The following ZPBP variants were observed in gnomAD, a reference collection of about 807,000 sequenced individuals.
The protein encoded by ZPBP is zona pellucida-binding protein 1.
In ZPBP, 26 loss-of-function variants were observed where a neutral mutation model predicts 44.8. The ratio of observed to expected loss-of-function variants is 0.58; its 90% CI spans 0.43 to 0.81. The LOEUF (loss-of-function observed/expected upper bound fraction) is 0.81. Among genes scored for constraint, ZPBP ranks in the 30% least tolerant of loss-of-function variants. The pLI is 0.00. For missense variants in ZPBP, 409 were observed against 434.0 expected (o/e 0.94, Z 0.51); for synonymous variants, 174 against 153.2 (o/e 1.14, Z -1.00).
chr7:49,971,635 A>G (rs921502765), intron 7 of ZPBP, among the ~76,000 whole-genome samples: 7 of 152,146 alleles, frequency 4.6e-5, no homozygotes, highest in African/African-American at 1.7e-4. Context: ...CTTATAAAGA[A>G]GAGCCCAGCA....
chr7:49,976,647 T>C (rs970217681), intron 7 of ZPBP, among the ~76,000 whole-genome samples: 7 of 152,282 alleles, frequency 4.6e-5, no homozygotes, highest in African/African-American at 1.7e-4. Flanking sequence ...CAGAAAGAGC[T>C]TTTGTCTGCT....
intron 6 of ZPBP, among the ~76,000 whole-genome samples, chr7:50,000,437 T>C (rs569402652): frequency 1.6e-4 from 24 of 152,322 alleles, no homozygotes; most frequent in Non-Finnish European, 2.9e-4. Context: ...ACTTGATTTA[T>C]ATTCCTATTA....
chr7:50,025,958 A>T (rs1022286247), intron 5 of ZPBP, among the ~76,000 whole-genome samples: 2 of 151,914 alleles, frequency 1.3e-5, no homozygotes, highest in African/African-American at 4.8e-5. Context: ...AAAATGCAGG[A>T]TCTAACTATT....
intron 7 of ZPBP, among the ~76,000 whole-genome samples, chr7:49,973,617 A>G (rs997143872): frequency 2.0e-5 from 3 of 152,148 alleles, no homozygotes; most frequent in Non-Finnish European, 4.4e-5. Flanking sequence ...CATTAGAGAA[A>G]TGCAAATCAA....
At chr7:49,896,903 T>G in intron 2 of ZPBP, among the ~76,000 whole-genome samples, 1 of 143,622 alleles carries the variant, frequency 7.0e-6, no homozygotes, top group Non-Finnish European at 1.5e-5. Context: ...TTTTTTTTTT[T>G]TTTGAGACGG....
intron 4 of ZPBP, among the ~76,000 whole-genome samples, chr7:50,034,238 T>G (rs997580512): frequency 1.3e-5 from 2 of 151,948 alleles, no homozygotes; most frequent in Non-Finnish European, 2.9e-5. Flanking sequence ...TCTTCCAATA[T>G]CTGACTATGA....
chr7:50,063,743 T>C (rs960575194), intron 3 of ZPBP, among the ~76,000 whole-genome samples: 3 of 152,256 alleles, frequency 2.0e-5, no homozygotes, highest in African/African-American at 7.2e-5. Flanking sequence ...TTAAATTAAA[T>C]TTTTCACATA....
At position 50,018,286 on chromosome 7, in the gene ZPBP, T is replaced by C. The variant is rs890432171; in HGVS notation, c.737A>G (p.Lys246Arg). 1.2e-6 allele frequency: 2 copies of C among 1,610,340 alleles called. No homozygotes were observed. The highest frequency in any genetic ancestry group is 1.3e-5 in the African/African-American group (1 of 74,778). ...VSSLDTEKGPKRCTDHNCEPY... is the reference protein window; with the variant it reads ...VSSLDTEKGPRRCTDHNCEPY... ...TTCACAGTTATGGTCTGTACATCGC[T>C]TGGGTCCTTTTTCAGTGTCTAGAGA... Residue 246 changes from lysine (K) to arginine (R), a missense_variant, in exon 6 of 8, where the codon AAG (lysine) becomes AGG (arginine). Lys to Arg is a conservative substitution (Grantham distance 26, BLOSUM62 2). Around this residue, in one of 2 missense-constraint regions of ZPBP, gnomAD observed 367 missense variants for 363.1 expected, o/e 1.01. Coordinates refer to ENST00000046087, the MANE Select transcript of ZPBP (RefSeq NM_007009.3).
chr7:49,885,346 T>TA (rs1562752322), intron 2 of ZPBP, among the ~76,000 whole-genome samples: 1 of 152,090 alleles, frequency 6.6e-6, no homozygotes, highest in East Asian at 1.9e-4. Context: ...ACCTAATTTT[T>TA]AAAAAATATC....
intron 6 of ZPBP, among the ~76,000 whole-genome samples, chr7:49,987,921 G>C (rs1403115301): frequency 6.6e-6 from 1 of 151,976 alleles, no homozygotes; most frequent in East Asian, 1.9e-4. Context: ...AAAGACTATT[G>C]GTAAAATGCA....
intron 1 of ZPBP, among the ~76,000 whole-genome samples, chr7:49,931,058 C>T (rs999911492): frequency 2.0e-5 from 3 of 152,200 alleles, no homozygotes; most frequent in Non-Finnish European, 4.4e-5. Context: ...CTCTTGCCTG[C>T]CACCATGTAA....
chr7:49,971,536 T>C (rs6583406), intron 7 of ZPBP, among the ~76,000 whole-genome samples: 118,256 of 152,092 alleles, frequency 0.78, 46,146 homozygotes, highest in East Asian at 0.89. Flanking sequence ...TATAGAAATA[T>C]ATACTCTATA....
chr7:49,892,406 C>T (rs1562756521), intron 2 of ZPBP, among the ~76,000 whole-genome samples: 1 of 152,156 alleles, frequency 6.6e-6, no homozygotes, highest in Non-Finnish European at 1.5e-5. Flanking sequence ...AGTAAAGCTA[C>T]TTCGACAATG....
At chr7:49,911,785 T>A (rs1425247076) in intron 1 of ZPBP, among the ~76,000 whole-genome samples, 1 of 151,702 alleles carries the variant, frequency 6.6e-6, no homozygotes, top group Non-Finnish European at 1.5e-5. Flanking sequence ...TAATCCTAGC[T>A]ACTTGAAAGG....
chr7:49,959,560 AG>A (rs1405810324), intron 7 of ZPBP, among the ~76,000 whole-genome samples: 1 of 152,190 alleles, frequency 6.6e-6, no homozygotes, highest in Non-Finnish European at 1.5e-5. Context: ...GAGATTTGCT[AG>A]AAATCTGAAA....
chr7:49,902,554 CAAAAA>C (rs34786165), intron 1 of ZPBP, among the ~76,000 whole-genome samples: 1 of 106,680 alleles, frequency 9.4e-6, no homozygotes, highest in Non-Finnish European at 1.9e-5. Flanking sequence ...TATCCGTAGC[CAAAAA>C]AAAAAAAAAA....
intron 6 of ZPBP, among the ~76,000 whole-genome samples, chr7:49,999,104 C>T (rs2128793352): frequency 1.3e-5 from 2 of 152,060 alleles, no homozygotes; most frequent in East Asian, 3.9e-4. Flanking sequence ...ACCCAAAACA[C>T]TTCTGGTCCC....
chr7:49,986,571 A>T (rs1174852129), intron 6 of ZPBP, among the ~76,000 whole-genome samples: 2 of 152,234 alleles, frequency 1.3e-5, no homozygotes, highest in African/African-American at 4.8e-5. Context: ...TTGTTGGAAG[A>T]ACCATTCGCA....
intron 2 of ZPBP, among the ~76,000 whole-genome samples, chr7:49,853,589 G>T (rs1418040443): frequency 6.6e-6 from 1 of 151,770 alleles, no homozygotes; most frequent in Non-Finnish European, 1.5e-5. Context: ...TTAAATGAAA[G>T]AATTTACATA....
Sources: allele counts gnomAD v4.1 joint callset (sites outside exome capture counted in the v4.1 genomes callset), GRCh38; gene constraint gnomAD v4.1.1; regional missense constraint gnomAD v4.1.1; transcripts MANE v1.5; gene names NCBI Gene and HGNC (gene_info 2026-07-23, HGNC 2026-07-21).